Variants in DGCR8 observed in about 807,000 individuals in gnomAD.
DGCR8 encodes the protein microprocessor complex subunit DGCR8.
In DGCR8, 14 loss-of-function variants were observed where a neutral mutation model predicts 78.5. The ratio of observed to expected loss-of-function variants is 0.18; its 90% CI spans 0.12 to 0.28. The LOEUF (loss-of-function observed/expected upper bound fraction) is 0.28, where lower values mean the gene tolerates loss of function less well. Ranked by LOEUF, DGCR8 falls within the 10% of genes least tolerant of loss-of-function variation. DGCR8 has a pLI of 1.00. For missense variants in DGCR8, 702 were observed against 1,022.5 expected (o/e 0.69, Z 4.28); for synonymous variants, 399 against 402.4 (o/e 0.99, Z 0.10).
At chr22:20,104,825 C>T (rs2049750676) in intron 9 of DGCR8, among the ~76,000 whole-genome samples, 2 of 152,088 alleles carry the variant, frequency 1.3e-5, no homozygotes, top group Non-Finnish European at 1.5e-5. Flanking sequence ...AGCGAGTTGG[C>T]CTTGCTGCTT....
intron 13 of DGCR8, among the ~76,000 whole-genome samples, chr22:20,109,678 C>T (rs1031511195): frequency 2.6e-5 from 4 of 152,204 alleles, no homozygotes; most frequent in Admixed American, 1.3e-4. Context: ...GTGCTCCTGG[C>T]TGGGCCTGGG....
In DGCR8 at chr22:20,086,356, G is replaced by T; in HGVS notation, c.393G>T (p.Lys131Asn). Reference protein sequence around the residue: ...SVSFTESCRSKDRKVLYTGAE... With the variant: ...SVSFTESCRSNDRKVLYTGAE... ...GCTTTACCGAGAGCTGCAGGAGTAA[G>T]GACAGGAAGGTGCTGTACACAGGAG... The change falls in exon 2 of 14, where the codon AAG becomes AAT. Residue 131 changes from lysine (K) to asparagine (N), a missense_variant. By Grantham distance (94) the Lys-to-Asn change is moderately conservative. This residue lies in a region of DGCR8 where 356 missense variants were observed against 448.9 expected (regional missense o/e 0.79). Coordinates refer to ENST00000351989, the MANE Select transcript of DGCR8 (RefSeq NM_022720.7). This position sits in a 1 kb window ranked among gnomAD's most constrained non-coding sequence, Gnocchi z 6.4. The T allele has an allele frequency of 6.2e-7, 1 of 1,614,126 alleles. No homozygotes were observed. Among genetic ancestry groups the T allele is most frequent in the Admixed American group, 1.7e-5 (1 of 60,020 alleles).
intron 3 of DGCR8, among the ~76,000 whole-genome samples, chr22:20,088,275 C>T (rs2049513236): frequency 6.6e-6 from 1 of 152,158 alleles, no homozygotes; most frequent in Middle Eastern, 3.2e-3. Flanking sequence ...GCTTCTGGGG[C>T]TGGGGGCAGG....
intron 9 of DGCR8, 116 bp from the exon 10 acceptor site, chr22:20,106,061 C>A: frequency 1.3e-6 from 1 of 755,136 alleles, no homozygotes; most frequent in Non-Finnish European, 2.3e-6. Flanking sequence ...GTATGAAGTG[C>A]TAGGCGAGCT....
rs771684005 is a variant in DGCR8, at chr22:20,108,994, T to G, written c.2229T>G (p.Ala743=). The change falls in exon 13 of 14, where the codon GCT becomes GCG. Residue 743 remains alanine (A), a synonymous_variant. Transcript: ENST00000351989. The part of the protein sequence containing the change: ...SKLQEEMKRL[A]EEREETRKKP... Reference sequence around the variant, plus strand: ...TCCAAGAGGAGATGAAGAGGCTAGCTGAGGAAAGGGTGAGTGCCACCCTAG... The same window carrying G: ...TCCAAGAGGAGATGAAGAGGCTAGCGGAGGAAAGGGTGAGTGCCACCCTAG... 6.3e-7 allele frequency: 1 copy of G among 1,592,652 alleles called. No individual in the cohort carries two copies. Among genetic ancestry groups the G allele is most frequent in the Non-Finnish European group, 8.6e-7 (1 of 1,161,232 alleles).
chr22:20,103,183 C>T (rs939317335), intron 9 of DGCR8, among the ~76,000 whole-genome samples: 1 of 151,840 alleles, frequency 6.6e-6, no homozygotes, highest in African/African-American at 2.4e-5. Context: ...GGAATTGATC[C>T]TGTAGATCAA....
chr22:20,081,162 T>C (rs1273342277), intron 1 of DGCR8, among the ~76,000 whole-genome samples: 1 of 152,174 alleles, frequency 6.6e-6, no homozygotes, highest in African/African-American at 2.4e-5. Context: ...TGAGGCCTGT[T>C]GGAGGATGAC....
intron 5 of DGCR8, among the ~76,000 whole-genome samples, chr22:20,090,805 C>T (rs894287634): frequency 6.6e-6 from 1 of 152,230 alleles, no homozygotes. Flanking sequence ...TGGCAGGTCT[C>T]TGTGAACCCA....
intron 9 of DGCR8, chr22:20,101,128 A>T (rs1233942182): frequency 1.1e-6 from 1 of 917,410 alleles, no homozygotes; most frequent in Non-Finnish European, 1.3e-6. Flanking sequence ...ATCACAAAAG[A>T]CAAACCTAGC....
intron 1 of DGCR8, among the ~76,000 whole-genome samples, chr22:20,081,971 C>CGAAT (rs2049423126): frequency 2.0e-5 from 3 of 152,092 alleles, no homozygotes. Context: ...GCCTCTAATT[C>CGAAT]TCTTTACTGT....
At position 20,087,027 on chromosome 22, in the gene DGCR8, A is replaced by G. The variant is rs1318601566; in HGVS notation, c.721-135A>G. The G allele has an allele frequency of 3.4e-6, 4 of 1,171,246 alleles. No individual in the cohort carries two copies. The highest frequency in any genetic ancestry group is 2.4e-5 in the Admixed American group (1 of 42,088). 72.6% of individuals were successfully genotyped at this position (1,171,246 alleles called of 1,614,324 possible). A position where few individuals can be genotyped will look rare whatever the true frequency, so the allele number is the denominator to read the frequency against. On this transcript the variant is annotated intron_variant, in intron 2 of 13. Transcript: ENST00000351989. The surrounding 1 kb of genome is among the most constrained non-coding windows in gnomAD (Gnocchi z 4.1). ...CATCCTGTTTGTTTTTCAGATGATC[A>G]TGCACCCTAAGGGCACATCTAGGCC... is the stretch of plus-strand genomic sequence containing the variant.
At chr22:20,080,576 G>C (rs762918011) in intron 1 of DGCR8, 193 bp downstream of exon 1, 103 of 790,538 alleles carry the variant, frequency 1.3e-4, no homozygotes, top group Admixed American at 1.1e-3. Context: ...TCCGGGGCTG[G>C]GGGGCGGGCC....
intron 1 of DGCR8, among the ~76,000 whole-genome samples, chr22:20,084,643 C>T (rs971288786): frequency 2.0e-5 from 3 of 152,336 alleles, no homozygotes; most frequent in Non-Finnish European, 4.4e-5. Context: ...CCTGGAGGTC[C>T]CCTCTGTTCT....
intron 9 of DGCR8, among the ~76,000 whole-genome samples, chr22:20,099,157 A>G (rs1418396712): frequency 2.6e-5 from 4 of 152,128 alleles, no homozygotes; most frequent in Non-Finnish European, 4.4e-5. Flanking sequence ...TTTGTGTGCC[A>G]CCTGCACAGA....
intron 9 of DGCR8, among the ~76,000 whole-genome samples, chr22:20,105,334 C>T (rs1322801451): frequency 6.6e-6 from 1 of 152,208 alleles, no homozygotes; most frequent in Non-Finnish European, 1.5e-5. Flanking sequence ...TTTCAGACTT[C>T]AGAATGGTGA....
In DGCR8 at chr22:20,090,148, G is replaced by A. The variant is rs1020220514; in HGVS notation, c.1196G>A (p.Gly399Asp). 2 of 1,614,254 alleles carry A rather than the reference G, an allele frequency of 1.2e-6. No individual in the cohort carries two copies. Among genetic ancestry groups the A allele is most frequent in the Non-Finnish European group, 1.7e-6 (2 of 1,180,050 alleles). Residue 399 changes from glycine to aspartate, a missense_variant, in exon 5 of 14, where the codon GGT (glycine) becomes GAT (aspartate). This residue lies in a region of DGCR8 where 119 missense variants were observed against 126.1 expected (regional missense o/e 0.94). Coordinates refer to ENST00000351989, the MANE Select transcript of DGCR8 (RefSeq NM_022720.7). ...EFPLDEPDSM[G>D]ADPGPPDEKD... ...CCCCTGGATGAGCCTGACTCTATGG[G>A]TGCTGACCCGGGGCCCCCGGACGAG...
At position 20,087,246 on chromosome 22, in the gene DGCR8, G is replaced by A. The variant is rs761643466; in HGVS notation, c.805G>A (p.Gly269Arg). The A allele has an allele frequency of 1.5e-5, 24 of 1,613,918 alleles. No homozygotes were observed. The highest frequency in any genetic ancestry group is 8.9e-5 in the East Asian group (4 of 44,884). Residue 269 changes from glycine (G) to arginine (R), a missense_variant, in exon 3 of 14, where the codon GGA becomes AGA. Physicochemically the swap from Gly to Arg is moderately radical, Grantham distance 125. Coordinates refer to ENST00000351989, the MANE Select transcript of DGCR8 (RefSeq NM_022720.7). This position sits in a 1 kb window ranked among gnomAD's most constrained non-coding sequence, Gnocchi z 4.1. ...KKRRTEEKYG[G>R]DSDHPSDGET... Reference sequence around the variant, plus strand: ...GAGGCGAACAGAGGAAAAATATGGCGGAGACAGCGACCATCCGTCCGATGG... The same window carrying A: ...GAGGCGAACAGAGGAAAAATATGGCAGAGACAGCGACCATCCGTCCGATGG...
rs1401622451 is a variant in DGCR8, at chr22:20,086,865, G to A, written c.720+182G>A. 1.1e-6 allele frequency: 1 copy of A among 875,386 alleles called. No homozygotes were observed. The highest frequency in any genetic ancestry group is 1.7e-6 in the Non-Finnish European group (1 of 594,382). The allele number at this position is 875,386 out of a possible 1,614,324, so 54.2% of individuals were successfully genotyped here. On this transcript the variant is annotated intron_variant, in intron 2 of 13. Coordinates refer to ENST00000351989, the MANE Select transcript of DGCR8 (RefSeq NM_022720.7). This position sits in a 1 kb window ranked among gnomAD's most constrained non-coding sequence, Gnocchi z 6.4. ...GATGTAAGGAGTCCAGATTTTTAAA[G>A]TTTCCTAATGAAAAGTTTGGCCCAT... is the stretch of plus-strand genomic sequence containing the variant.
At chr22:20,093,718 C>CT (rs1247181549) in intron 8 of DGCR8, among the ~76,000 whole-genome samples, 1 of 152,260 alleles carries the variant, frequency 6.6e-6, no homozygotes, top group Non-Finnish European at 1.5e-5. Flanking sequence ...TCTGGGAAGG[C>CT]TGTGTGTCCT....
Sources: gnomAD v4.1 joint callset for allele counts (sites outside exome capture counted in the v4.1 genomes callset) on GRCh38, gnomAD v4.1.1 for gene constraint, gnomAD v4.1.1 regional missense constraint, Gnocchi (gnomAD v3.1) non-coding constraint, MANE v1.5 for transcripts, NCBI Gene and HGNC (gene_info 2026-07-23, HGNC 2026-07-21) for gene names.